ADARB2: variants seen among roughly 807,000 people sequenced by gnomAD.
ADARB2 encodes the protein inactive double-stranded RNA-specific editase B2.
In ADARB2, 25 loss-of-function variants were observed where a neutral mutation model predicts 62.2. The ratio of observed to expected loss-of-function variants is 0.40; its 90% CI spans 0.29 to 0.56. The LOEUF is 0.56. Among genes scored for constraint, ADARB2 ranks in the 20% least tolerant of loss-of-function variants. The pLI, the probability that ADARB2 is intolerant of heterozygous loss-of-function variation, is 0.43. For synonymous variants in ADARB2, 572 were observed against 500.8 expected (o/e 1.14, Z -1.90); for missense variants, 1,071 against 1,077.4 (o/e 0.99, Z 0.08).
rs1836607404 is a variant in ADARB2 at position 1,177,739 on chromosome 10, A to G, written c.*5454T>C. The G allele has an allele frequency of 6.6e-6, 1 of 152,214 alleles. No homozygotes were observed. 9.4% of individuals were successfully genotyped at this position (152,214 alleles called of 1,614,324 possible). A position where few individuals can be genotyped will look rare whatever the true frequency, so the allele number is the denominator to read the frequency against. ...CTTAGGATGATGAGTTGGGAAATAA[A>G]GTGTTCCTCTCACCAGGGTTTGATC... is the stretch of plus-strand genomic sequence containing the variant. On this transcript the variant is annotated 3_prime_UTR_variant, in exon 10 of 10. Transcript: ENST00000381312.
At chr10:1,557,880 G>A (rs4364982) in intron 1 of ADARB2, among the ~76,000 whole-genome samples, 12 of 151,838 alleles carry the variant, frequency 7.9e-5, no homozygotes, top group Admixed American at 6.6e-5. Flanking sequence ...GTGAGCTGAG[G>A]TTGCGCCACT....
intron 3 of ADARB2, among the ~76,000 whole-genome samples, chr10:1,293,360 G>T (rs1343001574): frequency 6.6e-6 from 1 of 150,932 alleles, no homozygotes; most frequent in Non-Finnish European, 1.5e-5. Flanking sequence ...AGAAGGGAGG[G>T]AGGAAGGGAA....
intron 1 of ADARB2, among the ~76,000 whole-genome samples, chr10:1,468,032 C>G (rs1831274320): frequency 6.6e-6 from 1 of 152,192 alleles, no homozygotes; most frequent in African/African-American, 2.4e-5. Context: ...TCTGTGCCAG[C>G]TATTTATAAT....
intron 1 of ADARB2, among the ~76,000 whole-genome samples, chr10:1,638,849 T>C (rs78002738): frequency 2.1e-3 from 320 of 152,334 alleles, no homozygotes; most frequent in Non-Finnish European, 3.9e-3. Flanking sequence ...TTGCTTAAAA[T>C]GGTGTGTCGG....
intron 1 of ADARB2, among the ~76,000 whole-genome samples, chr10:1,669,438 A>G (rs1834353097): frequency 6.6e-6 from 1 of 152,118 alleles, no homozygotes; most frequent in Admixed American, 6.6e-5. Context: ...ACACAGACAC[A>G]TGCAGACACA....
At chr10:1,282,145 T>C (rs1020074432) in intron 3 of ADARB2, among the ~76,000 whole-genome samples, 1 of 152,194 alleles carries the variant, frequency 6.6e-6, no homozygotes, top group African/African-American at 2.4e-5. Context: ...GAAGTGGAGT[T>C]AGAATGGGTT....
intron 1 of ADARB2, among the ~76,000 whole-genome samples, chr10:1,609,291 A>G (rs1833537991): frequency 6.6e-6 from 1 of 152,242 alleles, no homozygotes; most frequent in Admixed American, 6.5e-5. Flanking sequence ...TAAACGGGCT[A>G]TAATAGCTAG....
chr10:1,305,338 C>G (rs995658265), intron 3 of ADARB2, among the ~76,000 whole-genome samples: 1 of 151,826 alleles, frequency 6.6e-6, no homozygotes, highest in African/African-American at 2.4e-5. Flanking sequence ...TACATCCTCC[C>G]AAGACTAAAC....
At position 1,305,956 on chromosome 10, in the gene ADARB2, G is replaced by A. The variant is rs991516719; in HGVS notation, c.1078-34887C>T. On this transcript the variant is annotated intron_variant, in intron 3 of 9. Coordinates refer to ENST00000381312, the MANE Select transcript of ADARB2 (RefSeq NM_018702.4). Reference sequence around the variant, plus strand: ...CCCACAGCCAATATCCTACTGAATGGGCAAAAACTGGAAGCATTCCCTTTG... The same window carrying A: ...CCCACAGCCAATATCCTACTGAATGAGCAAAAACTGGAAGCATTCCCTTTG... 9.1e-4 allele frequency among the ~76,000 whole-genome samples: 139 copies of A among 152,108 alleles called. No individual in the cohort carries two copies. The East Asian group carries it at 0.021, about 23-fold the overall frequency.
At chr10:1,360,484 G>T (rs994339011) in intron 3 of ADARB2, among the ~76,000 whole-genome samples, 6 of 152,232 alleles carry the variant, frequency 3.9e-5, no homozygotes, top group East Asian at 1.9e-4. Flanking sequence ...TTTGGGGAAG[G>T]TTGGGGCAGG....
intron 1 of ADARB2, among the ~76,000 whole-genome samples, chr10:1,568,445 G>C (rs372947530): frequency 7.9e-5 from 12 of 152,154 alleles, no homozygotes; most frequent in Non-Finnish European, 1.5e-5. Flanking sequence ...CTTCTCACCA[G>C]TCAACCTGCC....
chr10:1,515,051 A>T (rs1475643587), intron 1 of ADARB2, among the ~76,000 whole-genome samples: 1 of 152,254 alleles, frequency 6.6e-6, no homozygotes, highest in Non-Finnish European at 1.5e-5. Flanking sequence ...GCTGAAAACG[A>T]AATCTACTGG....
At chr10:1,241,359 C>G (rs1169052093) in intron 5 of ADARB2, among the ~76,000 whole-genome samples, 2 of 152,226 alleles carry the variant, frequency 1.3e-5, no homozygotes, top group East Asian at 1.9e-4. Flanking sequence ...TTTTGCACAG[C>G]TAATGGGCAT....
chr10:1,526,520 T>A lies in ADARB2; in HGVS notation c.101-147360A>T, dbSNP rs551034865. The A allele has an allele frequency of 1.3e-3, 219 of 173,510 alleles. 2 individuals are homozygous for A. Among genetic ancestry groups the A allele is most frequent in the Non-Finnish European group, 2.2e-3 (176 of 79,274 alleles). 10.7% of individuals were successfully genotyped at this position (173,510 alleles called of 1,614,324 possible). On this transcript the variant is annotated intron_variant, in intron 1 of 9. Coordinates refer to ENST00000381312, the MANE Select transcript of ADARB2 (RefSeq NM_018702.4). ...TATGAATGAGTTCTTGCTCTGTGTG[T>A]TGCAGTGAGAGCTGATTGGTAGGAA...
chr10:1,655,489 T>C (rs1834162431), intron 1 of ADARB2, among the ~76,000 whole-genome samples: 1 of 152,174 alleles, frequency 6.6e-6, no homozygotes, highest in African/African-American at 2.4e-5. Context: ...TATACCTAAT[T>C]TGCTATTGAT....
At chr10:1,285,227 G>C (rs554542147) in intron 3 of ADARB2, among the ~76,000 whole-genome samples, 2 of 152,158 alleles carry the variant, frequency 1.3e-5, no homozygotes, top group South Asian at 4.2e-4. Context: ...TCTTGGCAGC[G>C]GGGCAGGGTT....
intron 3 of ADARB2, among the ~76,000 whole-genome samples, chr10:1,341,696 G>A (rs1414693225): frequency 1.1e-4 from 14 of 123,028 alleles, no homozygotes; most frequent in African/African-American, 1.9e-4. Context: ...CCACAGCGGG[G>A]ATAACCAGCA....
intron 7 of ADARB2, among the ~76,000 whole-genome samples, chr10:1,215,499 C>T (rs1837221435): frequency 6.6e-6 from 1 of 152,234 alleles, no homozygotes; most frequent in Admixed American, 6.5e-5. Flanking sequence ...CCTTCCTGCA[C>T]ATCCTGGGGA....
intron 3 of ADARB2, among the ~76,000 whole-genome samples, chr10:1,313,629 G>A (rs1831711953): frequency 6.6e-6 from 1 of 151,972 alleles, no homozygotes; most frequent in South Asian, 2.1e-4. Context: ...CAGGGCACAG[G>A]GTTACCTCTG....
Sources: allele counts gnomAD v4.1 joint callset (sites outside exome capture counted in the v4.1 genomes callset), GRCh38; gene constraint gnomAD v4.1.1; transcripts MANE v1.5; gene names NCBI Gene and HGNC (gene_info 2026-07-23, HGNC 2026-07-21).